S100Z: variants seen among roughly 807,000 people sequenced by gnomAD.
S100Z encodes the protein S100 calcium binding protein Z.
S100Z carries 11 observed loss-of-function variants against 8.5 expected under a neutral mutation model. The ratio of observed to expected loss-of-function variants is 1.30; its 90% confidence interval spans 0.82 to 2.15. S100Z has a LOEUF of 2.15. Ranked by LOEUF, S100Z falls within the 30% of genes most tolerant of loss-of-function variation. S100Z has a pLI of 0.00. For synonymous variants in S100Z, 34 were observed against 43.8 expected, an observed-to-expected ratio of 0.78 and a Z score of 0.89; for missense variants, 126 against 117.9, an observed-to-expected ratio of 1.07 and a Z score of -0.32.
At position 76,884,579 on chromosome 5, in the gene S100Z, C is replaced by T. The variant is rs149909620; in HGVS notation, c.*2+6745C>T. Among the ~76,000 whole-genome samples, 1,383 of 152,234 alleles carry T rather than the reference C, an allele frequency of 9.1e-3. 15 individuals are homozygous for T. The highest frequency in any genetic ancestry group is 0.031 in the African/African-American group (1,305 of 41,528). ...GGGGTCTGATGAGAAAGAGCCTAAACGCTGGCTGATTTGGGAAAGGTCTGA... is the reference window on the plus strand; with the variant it reads ...GGGGTCTGATGAGAAAGAGCCTAAATGCTGGCTGATTTGGGAAAGGTCTGA... On this transcript the variant is annotated intron_variant, in intron 4 of 4. Transcript: ENST00000317593.
downstream of S100Z, among the ~76,000 whole-genome samples, chr5:76,922,874 A>C (rs1172679887): frequency 2.0e-5 from 3 of 152,190 alleles, no homozygotes; most frequent in African/African-American, 7.2e-5. Flanking sequence ...CACATTTTGT[A>C]TGAATCCCAT....
chr5:76,865,323 C>T (rs1751234383), intron 1 of S100Z, among the ~76,000 whole-genome samples: 1 of 149,322 alleles, frequency 6.7e-6, no homozygotes, highest in Admixed American at 6.7e-5. Flanking sequence ...TGGCTCACTG[C>T]AACCTCCGCC....
intron 4 of S100Z, among the ~76,000 whole-genome samples, chr5:76,898,062 G>C (rs1744101633): frequency 6.6e-6 from 1 of 152,140 alleles, no homozygotes; most frequent in Non-Finnish European, 1.5e-5. Flanking sequence ...TTGTATCCCA[G>C]ATCTTAGACG....
intron 4 of S100Z, among the ~76,000 whole-genome samples, chr5:76,880,149 G>T (rs554581409): frequency 1.3e-5 from 2 of 152,152 alleles, no homozygotes; most frequent in Non-Finnish European, 2.9e-5. Flanking sequence ...TCTTAAGGGT[G>T]GGGGAGATTA....
intron 2 of S100Z, among the ~76,000 whole-genome samples, chr5:76,870,929 G>T (rs182713037): frequency 6.6e-6 from 1 of 152,042 alleles, no homozygotes; most frequent in East Asian, 1.9e-4. Context: ...TGGGACCAGC[G>T]TGGGCAACAT....
chr5:76,919,612 CT>C (rs1160477384), intron 4 of S100Z, among the ~76,000 whole-genome samples: 5,246 of 118,164 alleles, frequency 0.044, 346 homozygotes, highest in African/African-American at 0.15. Flanking sequence ...TTTTCTCTTC[CT>C]TTTTTTTTTT....
At chr5:76,866,136 G>GGT (rs148836261) in intron 1 of S100Z, among the ~76,000 whole-genome samples, 2,919 of 152,026 alleles carry the variant, frequency 0.019, 101 homozygotes, top group African/African-American at 0.067. Flanking sequence ...CCAGGCTGGA[G>GGT]TGCAGTGTAG....
intron 4 of S100Z, among the ~76,000 whole-genome samples, chr5:76,913,342 A>C (rs1166505615): frequency 6.6e-6 from 1 of 152,250 alleles, no homozygotes; most frequent in East Asian, 1.9e-4. Context: ...ATTAAGGGAA[A>C]AAGACACAAT....
chr5:76,939,804 C>T, the S100Z span, among the ~76,000 whole-genome samples: 4 of 151,990 alleles, frequency 2.6e-5, no homozygotes, highest in African/African-American at 9.7e-5. Context: ...CGAGCCGCCA[C>T]GCCCAGCCTA....
chr5:76,854,030 G>T (rs551677355), intron 1 of S100Z, among the ~76,000 whole-genome samples: 1 of 152,280 alleles, frequency 6.6e-6, no homozygotes, highest in Non-Finnish European at 1.5e-5. Flanking sequence ...CTTCTGCCAT[G>T]ATCGAAAGTT....
chr5:76,924,387 A>G (rs1745099382), downstream of S100Z, among the ~76,000 whole-genome samples: 1 of 152,106 alleles, frequency 6.6e-6, no homozygotes, highest in Non-Finnish European at 1.5e-5. Flanking sequence ...CTTCCTATTC[A>G]TTCTCTGTTC....
chr5:76,936,757 G>T, the S100Z span, among the ~76,000 whole-genome samples: 1 of 152,060 alleles, frequency 6.6e-6, no homozygotes, highest in South Asian at 2.1e-4. Flanking sequence ...GCTGCAGTAG[G>T]TAAATGAACC....
chr5:76,851,172 C>T (rs546493194), intron 1 of S100Z, among the ~76,000 whole-genome samples: 1 of 152,298 alleles, frequency 6.6e-6, no homozygotes, highest in South Asian at 2.1e-4. Context: ...GGAGGCTTCC[C>T]TGGAGGACTG....
At chr5:76,872,006 G>A (rs1743026300) in intron 2 of S100Z, among the ~76,000 whole-genome samples, 1 of 152,202 alleles carries the variant, frequency 6.6e-6, no homozygotes, top group Non-Finnish European at 1.5e-5. Context: ...GGAGGCTAAG[G>A]CAGGAGGATC....
At chr5:76,882,423 G>C (rs1478357425) in intron 4 of S100Z, among the ~76,000 whole-genome samples, 1 of 152,160 alleles carries the variant, frequency 6.6e-6, no homozygotes, top group Non-Finnish European at 1.5e-5. Flanking sequence ...GCTAGTGTGG[G>C]GGCAGCTTCT....
intron 1 of S100Z, among the ~76,000 whole-genome samples, chr5:76,861,472 G>A (rs1751054603): frequency 6.6e-6 from 1 of 152,110 alleles, no homozygotes; most frequent in Admixed American, 6.6e-5. Flanking sequence ...CCAAGTAGCT[G>A]GGATTACAGG....
the S100Z span, among the ~76,000 whole-genome samples, chr5:76,944,793 C>T: frequency 6.6e-6 from 1 of 152,158 alleles, no homozygotes; most frequent in Non-Finnish European, 1.5e-5. Context: ...GCTGATGTTA[C>T]GTGCCCATGC....
the S100Z span, among the ~76,000 whole-genome samples, chr5:76,940,094 T>C: frequency 6.8e-6 from 1 of 146,612 alleles, no homozygotes; most frequent in East Asian, 2.1e-4. Context: ...AAGGCGGAGG[T>C]TGCAGTGAGC....
intron 2 of S100Z, 50 bp downstream of exon 2, chr5:76,870,334 T>C (rs932483917): frequency 2.0e-5 from 3 of 152,174 alleles, no homozygotes; most frequent in African/African-American, 7.2e-5. Context: ...TAATGTCTGA[T>C]GGGGTTAGGG....
Sources: allele counts gnomAD v4.1 joint callset (sites outside exome capture counted in the v4.1 genomes callset), GRCh38; gene constraint gnomAD v4.1.1; transcripts MANE v1.5; gene names NCBI Gene and HGNC (gene_info 2026-07-23, HGNC 2026-07-21).